The following PPP4R4 variants were observed in gnomAD, a reference collection of about 807,000 sequenced individuals.
PPP4R4 encodes protein phosphatase 4 regulatory subunit 4.
In PPP4R4, 70 loss-of-function variants were observed where a neutral mutation model predicts 121.8. The ratio of observed to expected loss-of-function variants is 0.57; its 90% CI spans 0.47 to 0.70. The LOEUF is 0.70. Ranked by LOEUF, PPP4R4 falls within the 30% of genes least tolerant of loss-of-function variation. The pLI is 0.00. For synonymous variants in PPP4R4, 348 were observed against 355.7 expected, an observed-to-expected ratio of 0.98 and a Z score of 0.24; for missense variants, 875 against 1,033.6, an observed-to-expected ratio of 0.85 and a Z score of 2.10.
chr14:94,203,530 A>G (rs1272656203), intron 2 of PPP4R4, among the ~76,000 whole-genome samples: 1 of 152,094 alleles, frequency 6.6e-6, no homozygotes, highest in Non-Finnish European at 1.5e-5. Context: ...TTCATCCACA[A>G]GTTTTTATGT....
chr14:94,181,522 G>A (rs963067033), intron 2 of PPP4R4, among the ~76,000 whole-genome samples: 8 of 152,160 alleles, frequency 5.3e-5, no homozygotes, highest in Admixed American at 1.3e-4. Context: ...ATCTTTTGAT[G>A]TGAAGTCATG....
intron 1 of PPP4R4, among the ~76,000 whole-genome samples, chr14:94,175,038 G>T (rs984180808): frequency 7.0e-6 from 1 of 142,078 alleles, no homozygotes; most frequent in South Asian, 2.2e-4. Flanking sequence ...CCTCTCCTGG[G>T]CTCCCCAACC....
At chr14:94,249,089 A>G (rs1893046839) in intron 14 of PPP4R4, among the ~76,000 whole-genome samples, 1 of 152,034 alleles carries the variant, frequency 6.6e-6, no homozygotes, top group Non-Finnish European at 1.5e-5. Flanking sequence ...TATATTTTAT[A>G]TGAGGTACAA....
At chr14:94,187,690 T>G (rs1180117392) in intron 2 of PPP4R4, among the ~76,000 whole-genome samples, 2 of 152,148 alleles carry the variant, frequency 1.3e-5, no homozygotes, top group Admixed American at 6.5e-5. Context: ...TTAGTTGTCA[T>G]GTCTCCTTAG....
chr14:94,247,869 G>A (rs763019354), intron 14 of PPP4R4, among the ~76,000 whole-genome samples: 3 of 152,060 alleles, frequency 2.0e-5, no homozygotes, highest in Non-Finnish European at 4.4e-5. Context: ...GTGTCTCTTT[G>A]TGTTAAAAAC....
intron 16 of PPP4R4, 29 bp downstream of exon 16, chr14:94,251,925 A>T: frequency 6.5e-7 from 1 of 1,536,414 alleles, no homozygotes; most frequent in Non-Finnish European, 8.8e-7. Flanking sequence ...AAAATATTGG[A>T]AATTGTATTT....
At position 94,191,932 on chromosome 14, in the gene PPP4R4, A is replaced by T. The variant is rs554167708; in HGVS notation, c.191+15805A>T. Reference sequence around the variant, plus strand: ...TATAGGCTATGGACTGAGAAATCATAGGTTGGAATACTAGCTCTAATCTTT... The same window carrying T: ...TATAGGCTATGGACTGAGAAATCATTGGTTGGAATACTAGCTCTAATCTTT... On this transcript the variant is annotated intron_variant, in intron 2 of 24. Transcript: ENST00000304338. 3.9e-5 allele frequency among the ~76,000 whole-genome samples: 6 copies of T among 152,238 alleles called. No homozygotes were observed. In the East Asian group the frequency reaches 1.2e-3, roughly 29 times the overall value.
intron 15 of PPP4R4, among the ~76,000 whole-genome samples, chr14:94,250,952 C>T (rs1024473626): frequency 6.6e-6 from 1 of 151,848 alleles, no homozygotes; most frequent in Non-Finnish European, 1.5e-5. Flanking sequence ...TTGGAGTTTA[C>T]CAGTTTAAGT....
chr14:94,233,802 G>A (rs1219867356), intron 6 of PPP4R4, 43 bp downstream of exon 6: 1 of 1,183,256 alleles, frequency 8.5e-7, no homozygotes, highest in Non-Finnish European at 1.2e-6. Context: ...TATTACATTC[G>A]TTTAAAATGT....
intron 3 of PPP4R4, among the ~76,000 whole-genome samples, chr14:94,221,649 A>AT (rs1355364461): frequency 1.3e-5 from 2 of 152,122 alleles, no homozygotes; most frequent in Admixed American, 1.3e-4. Context: ...ACTTGTTAAA[A>AT]TATCTGTACT....
intron 21 of PPP4R4, 88 bp from the exon 22 acceptor site, chr14:94,265,706 A>C (rs942072226): frequency 2.0e-6 from 2 of 1,025,242 alleles, no homozygotes; most frequent in Non-Finnish European, 2.9e-6. Context: ...TGTTTTACTG[A>C]AAATGATGGT....
chr14:94,206,520 T>G (rs1447546935), intron 2 of PPP4R4, among the ~76,000 whole-genome samples: 1 of 152,060 alleles, frequency 6.6e-6, no homozygotes, highest in Non-Finnish European at 1.5e-5. Flanking sequence ...GTTCTTTTTT[T>G]GCTTCTGTTT....
At chr14:94,240,493 A>C (rs985375224) in intron 8 of PPP4R4, among the ~76,000 whole-genome samples, 180 bp from the exon 9 acceptor site, 2 of 152,110 alleles carry the variant, frequency 1.3e-5, no homozygotes, top group African/African-American at 4.8e-5. Flanking sequence ...TGATCATTTC[A>C]AGCCTCCTCT....
intron 23 of PPP4R4, among the ~76,000 whole-genome samples, chr14:94,271,328 A>G (rs1220543049): frequency 6.6e-6 from 1 of 152,236 alleles, no homozygotes; most frequent in East Asian, 1.9e-4. Flanking sequence ...ACTGAGTAGG[A>G]TTTATAACAG....
chr14:94,252,221 A>G (rs1352491549), intron 16 of PPP4R4, among the ~76,000 whole-genome samples: 1 of 152,186 alleles, frequency 6.6e-6, no homozygotes, highest in African/African-American at 2.4e-5. Context: ...CATTAAAACT[A>G]AAGAAAAGAC....
chr14:94,180,541 C>G (rs1195895776), intron 2 of PPP4R4, among the ~76,000 whole-genome samples: 1 of 147,334 alleles, frequency 6.8e-6, no homozygotes, highest in Non-Finnish European at 1.5e-5. Flanking sequence ...TGTGCTGTGA[C>G]TTTTAAAGCA....
chr14:94,269,125 C>G (rs1894189741), intron 23 of PPP4R4, among the ~76,000 whole-genome samples: 1 of 152,032 alleles, frequency 6.6e-6, no homozygotes, highest in Non-Finnish European at 1.5e-5. Flanking sequence ...AGCAGAACAT[C>G]TTTTAACAAA....
At chr14:94,175,924 A>G (rs544778436) in intron 1 of PPP4R4, 130 bp from the exon 2 acceptor site, 6 of 731,182 alleles carry the variant, frequency 8.2e-6, no homozygotes, top group Non-Finnish European at 1.4e-5. Flanking sequence ...CTCCTTGATT[A>G]GTTTTCATTG....
At chr14:94,180,808 ATTTGGAACTT>A (rs1360485287) in intron 2 of PPP4R4, among the ~76,000 whole-genome samples, 2 of 151,768 alleles carry the variant, frequency 1.3e-5, no homozygotes, top group Non-Finnish European at 2.9e-5. Context: ...GTGCATCTTT[ATTTGGAACTT>A]TTTTTTTTAA....
Sources: allele counts gnomAD v4.1 joint callset (sites outside exome capture counted in the v4.1 genomes callset), GRCh38; gene constraint gnomAD v4.1.1; transcripts MANE v1.5; gene names NCBI Gene and HGNC (gene_info 2026-07-23, HGNC 2026-07-21).